PGC: variants seen among roughly 807,000 people sequenced by gnomAD.
PGC encodes the protein progastricsin.
Under a neutral mutation model 45.9 loss-of-function variants are expected in PGC, and 31 were observed. The observed-to-expected ratio is 0.67, with a 90% confidence interval of 0.51 to 0.91. The LOEUF is 0.91. PGC is among the 40% of genes least tolerant of loss of function. PGC has a pLI of 0.00. For synonymous variants in PGC, 192 were observed against 201.8 expected, an observed-to-expected ratio of 0.95 and a Z score of 0.41; for missense variants, 477 against 493.2, an observed-to-expected ratio of 0.97 and a Z score of 0.31.
At chr6:41,739,384 G>A (rs536684559) in intron 7 of PGC, among the ~76,000 whole-genome samples, 10 of 151,486 alleles carry the variant, frequency 6.6e-5, no homozygotes, top group South Asian at 2.1e-4. Context: ...TGCCTCCAGC[G>A]CCTTGGGCAG....
chr6:41,740,401 G>A (rs889864680), intron 6 of PGC, 90 bp downstream of exon 6: 2 of 1,480,186 alleles, frequency 1.4e-6, no homozygotes, highest in Middle Eastern at 1.8e-4. Context: ...CCCCATCCCA[G>A]AGCAGTGCCA....
At chr6:41,747,127 T>G (rs1421788671) in intron 1 of PGC, 149 bp downstream of exon 1, 1 of 675,276 alleles carries the variant, frequency 1.5e-6, no homozygotes, top group Non-Finnish European at 2.6e-6. Context: ...CCATGTGTCC[T>G]GTCTAACATC....
chr6:41,736,888 C>T lies in PGC; in HGVS notation c.1131G>A (p.Leu377=), dbSNP rs112369210. 2,385 of 1,614,082 alleles carry T rather than the reference C, an allele frequency of 1.5e-3. 33 individuals are homozygous for T. The African/African-American group carries it at 0.025, about 17-fold the overall frequency. ...FLRSYYSVYD[L]GNNRVGFATA... ...TGGCAAAGCCTACTCTGTTGTTGCC[C>T]AAGTCGTAGACGGAATAGTAGGACC... The change falls in exon 9 of 9, where the codon TTG becomes TTA. Residue 377 remains leucine (L), a synonymous_variant. Coordinates refer to ENST00000373025, the MANE Select transcript of PGC (RefSeq NM_002630.4).
At chr6:41,737,164 G>A (rs2127286450) in intron 8 of PGC, among the ~76,000 whole-genome samples, 160 bp from the exon 9 acceptor site, 1 of 152,314 alleles carries the variant, frequency 6.6e-6, no homozygotes, top group South Asian at 2.1e-4. Context: ...GAGCAGAGCG[G>A]GTGGGAGGAT....
chr6:41,737,489 C>T (rs566719083), intron 8 of PGC, among the ~76,000 whole-genome samples: 47 of 152,308 alleles, frequency 3.1e-4, no homozygotes, highest in African/African-American at 1.1e-3. Flanking sequence ...CTAGTAAGTG[C>T]TCAACAAAGA....
In PGC at chr6:41,744,511, C is replaced by A. The variant is rs967469024; in HGVS notation, c.214G>T (p.Ala72Ser). ...TYEPMAYMDAAYFGEISIGTP... is the reference protein window; with the variant it reads ...TYEPMAYMDASYFGEISIGTP... ...CCGATGCTGATCTCACCAAAGTAGG[C>A]AGCCTGGGGGCCATGGAGCAAGCTG... Residue 72 changes from alanine (A) to serine (S), a missense_variant, in exon 3 of 9, where the codon GCC becomes TCC. Transcript: ENST00000373025. The surrounding 1 kb of genome is among the most constrained non-coding windows in gnomAD (Gnocchi z 4.4). 1 of 1,611,484 alleles carries A rather than the reference C, an allele frequency of 6.2e-7. No homozygotes were observed. The highest frequency in any genetic ancestry group is 8.5e-7 in the Non-Finnish European group (1 of 1,177,926).
chr6:41,738,203 C>CATAT (rs10595601), intron 7 of PGC, among the ~76,000 whole-genome samples: 1 of 10,868 alleles, frequency 9.2e-5, no homozygotes, highest in African/African-American at 1.5e-4. Flanking sequence ...TATATATATG[C>CATAT]ATATATATAT....
rs560121485 is a variant in PGC, at chr6:41,746,118, C to T, written c.59+1158G>A. On this transcript the variant is annotated intron_variant, in intron 1 of 8. Coordinates refer to ENST00000373025, the MANE Select transcript of PGC (RefSeq NM_002630.4). ...CAGAGGTTTCAGTGAGCCGAGATCG[C>T]GCCATTGCACTGCAGCCTGGGCAAC... Among the ~76,000 whole-genome samples, 36 of 151,920 alleles carry T rather than the reference C, an allele frequency of 2.4e-4. 1 individual carries two copies. Among genetic ancestry groups the T allele is most frequent in the African/African-American group, 7.2e-4 (30 of 41,446 alleles).
At chr6:41,745,370 C>G (rs1771912234) in intron 1 of PGC, among the ~76,000 whole-genome samples, 1 of 151,952 alleles carries the variant, frequency 6.6e-6, no homozygotes, top group South Asian at 2.1e-4. Context: ...TCCCGAGTAG[C>G]TGGAATTACA....
chr6:41,740,414 C>CTG (rs141886611), intron 6 of PGC, 77 bp downstream of exon 6: 27 of 1,504,642 alleles, frequency 1.8e-5, no homozygotes, highest in African/African-American at 8.3e-5. Context: ...CAGTGCCAGA[C>CTG]TGTGTGTGTG....
rs1014202281 is a variant in PGC, at chr6:41,740,627, G to A, written c.648-17C>T. 6.3e-7 allele frequency: 1 copy of A among 1,583,234 alleles called. No homozygotes were observed. The highest frequency in any genetic ancestry group is 8.6e-7 in the Non-Finnish European group (1 of 1,166,800). ...CCCTGCTGGCTGCAGGAGAGAAAGG[G>A]AAGGGGAAGTCAGGGAGTGCCATGG... On this transcript the variant is annotated splice_polypyrimidine_tract_variant and intron_variant, in intron 5 of 8. Coordinates refer to ENST00000373025, the MANE Select transcript of PGC (RefSeq NM_002630.4).
chr6:41,738,493 T>C (rs1771758916), intron 7 of PGC, among the ~76,000 whole-genome samples: 1 of 151,472 alleles, frequency 6.6e-6, no homozygotes, highest in Admixed American at 6.6e-5. Context: ...CTGGGCATGA[T>C]GGCACACACG....
At chr6:41,737,677 C>A in intron 8 of PGC, 53 bp downstream of exon 8, 2 of 1,102,342 alleles carry the variant, frequency 1.8e-6, no homozygotes, top group Non-Finnish European at 2.8e-6. Flanking sequence ...GCTCCCCAGC[C>A]CTTCCTCCCA....
intron 5 of PGC, 37 bp from the exon 6 acceptor site, chr6:41,740,647 C>T: frequency 1.3e-6 from 2 of 1,562,830 alleles, no homozygotes; most frequent in Non-Finnish European, 1.7e-6. Flanking sequence ...TCAGGGAGTG[C>T]CATGGAAAAG....
chr6:41,740,481 G>T lies in PGC; in HGVS notation c.767+10C>A. 1 of 1,603,466 alleles carries T rather than the reference G, an allele frequency of 6.2e-7. No homozygotes were observed. ...AGTGCCACATCCCCAGGGCCCCACC[G>T]CAGACTCACTCTTCAATGCCAATCT... is the stretch of plus-strand genomic sequence containing the variant. On this transcript the variant is annotated intron_variant, in intron 6 of 8. Transcript: ENST00000373025.
rs749142032 is a variant in PGC at position 41,742,304 on chromosome 6, G to A, written c.633C>T (p.Ser211=). 16 of 1,613,712 alleles carry A rather than the reference G, an allele frequency of 9.9e-6. No homozygotes were observed. Among genetic ancestry groups the A allele is most frequent in the East Asian group, 4.5e-5 (2 of 44,894 alleles). Residue 211 remains serine (S), a synonymous_variant, in exon 5 of 9, where the codon AGC becomes AGT. Coordinates refer to ENST00000373025, the MANE Select transcript of PGC (RefSeq NM_002630.4). ...TGGTTGCTCACTTGCTGAGGTAGAC[G>A]CTGAAGACGGGGCTGGTGAGGGCGC... is the stretch of plus-strand genomic sequence containing the variant. ...QEGALTSPVF[S]VYLSNQQGSS...
chr6:41,740,462 A>G (rs1310634372), intron 6 of PGC, 29 bp downstream of exon 6: 1 of 1,587,540 alleles, frequency 6.3e-7, no homozygotes, highest in Admixed American at 1.8e-5. Context: ...AGGAAGTGCC[A>G]CATCCCCAGG....
intron 1 of PGC, among the ~76,000 whole-genome samples, chr6:41,745,829 G>A (rs1414303820): frequency 2.6e-5 from 4 of 151,840 alleles, no homozygotes; most frequent in East Asian, 4.0e-4. Flanking sequence ...GATTACAGGC[G>A]TGAGCCACTG....
intron 5 of PGC, chr6:41,740,854 T>TCTCCCTCAGACTGGGG: frequency 7.0e-7 from 1 of 1,430,042 alleles, no homozygotes; most frequent in Non-Finnish European, 9.1e-7. Context: ...CGAGTCTGTG[T>TCTCCCTCAGACTGGGG]CTCCCTCAGA....
Sources: gnomAD v4.1 joint callset for allele counts (sites outside exome capture counted in the v4.1 genomes callset) on GRCh38, gnomAD v4.1.1 for gene constraint, Gnocchi (gnomAD v3.1) non-coding constraint, MANE v1.5 for transcripts, NCBI Gene and HGNC (gene_info 2026-07-23, HGNC 2026-07-21) for gene names.